ROBO1: variants seen among roughly 807,000 people sequenced by gnomAD.
ROBO1 encodes roundabout homolog 1.
ROBO1 carries 149 observed loss-of-function variants against 195.9 expected under a neutral mutation model. That is an observed-to-expected ratio of 0.76 (90% CI 0.67 to 0.87). ROBO1 has a LOEUF of 0.87. Among genes scored for constraint, ROBO1 ranks in the 40% least tolerant of loss-of-function variants. ROBO1 has a pLI of 0.00. For missense variants in ROBO1, 1,933 were observed against 2,068.3 expected, an observed-to-expected ratio of 0.93 and a Z score of 1.27; for synonymous variants, 816 against 733.2, an observed-to-expected ratio of 1.11 and a Z score of -1.82.
chr3:78,656,390 G>T (rs972831456), intron 18 of ROBO1, among the ~76,000 whole-genome samples: 2 of 123,930 alleles, frequency 1.6e-5, no homozygotes, highest in East Asian at 2.5e-4. Context: ...TCACTCTGTC[G>T]CCCAGGCTGG....
At chr3:78,866,306 T>C (rs752257998) in intron 4 of ROBO1, among the ~76,000 whole-genome samples, 10 of 152,146 alleles carry the variant, frequency 6.6e-5, no homozygotes, top group Non-Finnish European at 1.3e-4. Flanking sequence ...AATACTAATA[T>C]TTGTGTGAGT....
intron 2 of ROBO1, among the ~76,000 whole-genome samples, chr3:79,290,759 T>G (rs188428394): frequency 1.3e-5 from 2 of 152,308 alleles, no homozygotes; most frequent in Admixed American, 1.3e-4. Flanking sequence ...CACATTCTTT[T>G]TGTTCCATGC....
At chr3:78,915,713 T>C (rs575007872) in intron 4 of ROBO1, among the ~76,000 whole-genome samples, 1 of 152,258 alleles carries the variant, frequency 6.6e-6, no homozygotes, top group African/African-American at 2.4e-5. Flanking sequence ...TTTTGCTCTG[T>C]CACCCAGGCT....
intron 22 of ROBO1, among the ~76,000 whole-genome samples, chr3:78,638,084 T>C (rs1359749074): frequency 6.6e-6 from 1 of 151,942 alleles, no homozygotes; most frequent in African/African-American, 2.4e-5. Flanking sequence ...TGTTTTGGCA[T>C]GAAATTTTAG....
intron 2 of ROBO1, among the ~76,000 whole-genome samples, chr3:79,338,142 A>T (rs1448686387): frequency 6.6e-6 from 1 of 152,204 alleles, no homozygotes; most frequent in African/African-American, 2.4e-5. Flanking sequence ...AAAATGCAGT[A>T]ATTGCTTGCT....
chr3:78,747,009 G>C, intron 4 of ROBO1, 109 bp from the exon 5 acceptor site: 1 of 609,854 alleles, frequency 1.6e-6, no homozygotes, highest in Non-Finnish European at 2.5e-6. Flanking sequence ...ACCACTAATA[G>C]CTCTTGCAAT....
intron 2 of ROBO1, among the ~76,000 whole-genome samples, chr3:79,483,861 C>T (rs534694506): frequency 2.8e-4 from 42 of 151,926 alleles, no homozygotes; most frequent in Non-Finnish European, 5.0e-4. Context: ...AGAGAAATCT[C>T]TAATATGGGA....
intron 2 of ROBO1, among the ~76,000 whole-genome samples, chr3:79,487,433 T>C (rs1000677981): frequency 2.1e-4 from 32 of 152,306 alleles, no homozygotes; most frequent in African/African-American, 7.7e-4. Context: ...GTCAGGCTGG[T>C]CTTCAACTCC....
At chr3:78,698,061 A>G (rs1393705138) in intron 8 of ROBO1, among the ~76,000 whole-genome samples, 2 of 152,160 alleles carry the variant, frequency 1.3e-5, no homozygotes, top group African/African-American at 2.4e-5. Flanking sequence ...ATTCTCATCT[A>G]CAGTACTTTT....
At chr3:79,158,716 G>A (rs544653212) in intron 2 of ROBO1, among the ~76,000 whole-genome samples, 1 of 151,742 alleles carries the variant, frequency 6.6e-6, no homozygotes, top group East Asian at 1.9e-4. Flanking sequence ...TTCAAATTCT[G>A]TCTTTACCTT....
intron 1 of ROBO1, among the ~76,000 whole-genome samples, chr3:79,749,399 C>T (rs551480941): frequency 6.6e-6 from 1 of 152,124 alleles, no homozygotes; most frequent in South Asian, 2.1e-4. Flanking sequence ...AAATAAAATC[C>T]CAATTTTTGA....
chr3:79,745,905 T>C (rs974464143), intron 1 of ROBO1, among the ~76,000 whole-genome samples: 1 of 152,128 alleles, frequency 6.6e-6, no homozygotes, highest in Non-Finnish European at 1.5e-5. Flanking sequence ...CCCCTGCTTT[T>C]ATTCATATAA....
At chr3:78,914,596 T>C (rs1293624024) in intron 4 of ROBO1, among the ~76,000 whole-genome samples, 1 of 151,534 alleles carries the variant, frequency 6.6e-6, no homozygotes, top group Non-Finnish European at 1.5e-5. Context: ...TATAAATCAA[T>C]GTTTTTATTA....
chr3:79,751,704 A>G (rs923391110), intron 1 of ROBO1, among the ~76,000 whole-genome samples: 6 of 152,186 alleles, frequency 3.9e-5, no homozygotes, highest in Non-Finnish European at 8.8e-5. Flanking sequence ...ATTTTTATCT[A>G]CAATAATATG....
At chr3:79,619,206 A>G (rs937802994) in intron 1 of ROBO1, among the ~76,000 whole-genome samples, 8 of 152,066 alleles carry the variant, frequency 5.3e-5, no homozygotes, top group African/African-American at 1.7e-4. Flanking sequence ...TGGCAAGTCA[A>G]TTGTGGGGAC....
At chr3:79,400,045 G>A (rs1233135276) in intron 2 of ROBO1, among the ~76,000 whole-genome samples, 1 of 152,036 alleles carries the variant, frequency 6.6e-6, no homozygotes, top group African/African-American at 2.4e-5. Context: ...ATTCAGAAAC[G>A]CTTGCTGTGT....
chr3:79,306,386 T>TC (rs1376806288), intron 2 of ROBO1, among the ~76,000 whole-genome samples: 1 of 152,194 alleles, frequency 6.6e-6, no homozygotes, highest in Non-Finnish European at 1.5e-5. Flanking sequence ...GATATCAATT[T>TC]TTTTTTAGCA....
At chr3:78,934,806 C>A (rs1178112663) in intron 4 of ROBO1, among the ~76,000 whole-genome samples, 1 of 152,030 alleles carries the variant, frequency 6.6e-6, no homozygotes, top group African/African-American at 2.4e-5. Context: ...CACACACACA[C>A]ACCAATCAAT....
intron 2 of ROBO1, among the ~76,000 whole-genome samples, chr3:79,201,053 T>C (rs1311654456): frequency 6.6e-6 from 1 of 151,922 alleles, no homozygotes; most frequent in Non-Finnish European, 1.5e-5. Context: ...ATTCCTACAT[T>C]GTTAATATGG....
Sources: allele counts gnomAD v4.1 joint callset (sites outside exome capture counted in the v4.1 genomes callset), GRCh38; gene constraint gnomAD v4.1.1; transcripts MANE v1.5; gene names NCBI Gene and HGNC (gene_info 2026-07-23, HGNC 2026-07-21).